Variants in PWWP2A observed in about 807,000 individuals in gnomAD.
The protein encoded by PWWP2A is PWWP domain containing 2A, also known as PWWP domain-containing protein 2A.
In PWWP2A, 18 loss-of-function variants were observed where a neutral mutation model predicts 48.5. The ratio of observed to expected loss-of-function variants is 0.37; its 90% CI spans 0.26 to 0.55. The LOEUF is 0.55. Among genes scored for constraint, PWWP2A ranks in the 20% least tolerant of loss-of-function variants. The probability of loss-of-function intolerance (pLI) is 0.81; values close to 1 mark genes in which losing one functional copy is unlikely to be tolerated. For missense variants in PWWP2A, 867 were observed against 976.4 expected (o/e 0.89, Z 1.49); for synonymous variants, 396 against 387.7 (o/e 1.02, Z -0.25).
At chr5:160,055,409 C>A in the PWWP2A span, among the ~76,000 whole-genome samples, 1 of 152,168 alleles carries the variant, frequency 6.6e-6, no homozygotes, top group South Asian at 2.1e-4. Context: ...CAGCTTTAGC[C>A]CTCTAATCAC....
intron 4 of PWWP2A, among the ~76,000 whole-genome samples, chr5:160,063,966 C>CTT (rs34967107): frequency 0.58 from 62,045 of 106,516 alleles, 19,240 homozygotes; most frequent in East Asian, 0.62. Flanking sequence ...TAGACCATGA[C>CTT]TTTTTTTTTT....
At chr5:160,051,123 C>G in the PWWP2A span, 1 of 1,571,246 alleles carries the variant, frequency 6.4e-7, no homozygotes, top group Non-Finnish European at 8.6e-7. Context: ...CTCCTCTTTT[C>G]CTCAGAGATT....
chr5:160,119,267 G>T lies in PWWP2A; in HGVS notation c.122C>A (p.Pro41Gln). 1 of 1,403,440 alleles carries T rather than the reference G, an allele frequency of 7.1e-7. No individual in the cohort carries two copies. The highest frequency in any genetic ancestry group is 1.5e-5 in the African/African-American group (1 of 66,162). The allele number at this position is 1,403,440 out of a possible 1,614,324, so 86.9% of individuals were successfully genotyped here. ...PGSEAGTDPL[P>Q]VTATEASVPD... is the part of the protein sequence containing the mutation. The stretch of plus-strand genomic sequence containing the variant: ...CACAGACGCTTCAGTGGCCGTGACC[G>T]GGAGGGGGTCAGTGCCGGCCTCACT... The change falls in exon 1 of 2, where the codon CCG (proline) becomes CAG (glutamine). Residue 41 changes from proline to glutamine, a missense_variant. Transcript: ENST00000307063.
At chr5:160,106,024 T>G (rs1756861130) in intron 1 of PWWP2A, among the ~76,000 whole-genome samples, 1 of 152,130 alleles carries the variant, frequency 6.6e-6, no homozygotes, top group Non-Finnish European at 1.5e-5. Context: ...GAAATATGAT[T>G]TCCAAAAATG....
rs1026251212 is a variant in PWWP2A, at chr5:160,112,481, C to A, written c.584+6324G>T. 3.9e-5 allele frequency among the ~76,000 whole-genome samples: 6 copies of A among 152,226 alleles called. No individual in the cohort carries two copies. In the East Asian group the frequency reaches 1.2e-3, roughly 29 times the overall value. On this transcript the variant is annotated intron_variant, in intron 1 of 1. Coordinates refer to ENST00000307063, the MANE Select transcript of PWWP2A (RefSeq NM_001130864.2). ...ACGTGACCCACCCACCTCAGCCTCC[C>A]AACTTGCTGAGATTACAGGCATGAG...
rs1262582168 is a variant in PWWP2A, at chr5:160,092,787, G to A, written c.1863C>T (p.Ser621=). 4 of 1,551,558 alleles carry A rather than the reference G, an allele frequency of 2.6e-6. No homozygotes were observed. Among genetic ancestry groups the A allele is most frequent in the Non-Finnish European group, 2.6e-6 (3 of 1,146,978 alleles). The change falls in exon 2 of 2, where the codon TCC becomes TCT. Residue 621 remains serine, a synonymous_variant. Coordinates refer to ENST00000307063, the MANE Select transcript of PWWP2A (RefSeq NM_001130864.2). The part of the protein sequence containing the change: ...MHAPSTSSTS[S]SSKEEKKLSN... Reference sequence around the variant, plus strand: ...TGAGCTTTTTCTCTTCCTTTGAAGAGGAGGAAGTGGAGGAGGTGGAAGGTG... The same window carrying A: ...TGAGCTTTTTCTCTTCCTTTGAAGAAGAGGAAGTGGAGGAGGTGGAAGGTG...
chr5:160,102,938 C>A (rs6874989), intron 1 of PWWP2A, among the ~76,000 whole-genome samples: 1 of 152,032 alleles, frequency 6.6e-6, no homozygotes, highest in African/African-American at 2.4e-5. Flanking sequence ...AAATTTTTAT[C>A]GGAAAAATTG....
rs747466330 is a variant in PWWP2A at position 160,119,179 on chromosome 5, C to A, written c.210G>T (p.Pro70=). ...APQADEPPLP[P]PPPPPGELAR... ...CGAGCTCCCCCGGCGGCGGCGGTGG[C>A]GGCGGGAGCGGCGGCTCGTCGGCCT... The change falls in exon 1 of 2, where the codon CCG becomes CCT. Residue 70 remains proline (P), a synonymous_variant. Transcript: ENST00000307063. 1.3e-4 allele frequency: 191 copies of A among 1,481,346 alleles called. No individual in the cohort carries two copies. The highest frequency in any genetic ancestry group is 1.8e-4 in the Middle Eastern group (1 of 5,524). The allele number at this position is 1,481,346 out of a possible 1,614,324, so 91.8% of individuals were successfully genotyped here.
chr5:160,088,326 G>A (rs1255338917), downstream of PWWP2A, among the ~76,000 whole-genome samples: 2 of 152,026 alleles, frequency 1.3e-5, no homozygotes, highest in Non-Finnish European at 2.9e-5. Context: ...TCAGCCTCTC[G>A]AGTTCAAGCA....
rs559088988 is a variant in PWWP2A, at chr5:160,113,132, TG to T, written c.584+5672del. ...GAAGTCCCGCCACTGCACTCCAGCC[TG>T]GGTGACAGAAGCAAGACTCTGTGTC... is the stretch of plus-strand genomic sequence containing the variant. On this transcript the variant is annotated intron_variant, in intron 1 of 1. Transcript: ENST00000307063. 126 of 701,730 alleles carry T rather than the reference TG, an allele frequency of 1.8e-4. 1 individual carries two copies. In the African/African-American group the frequency reaches 2.3e-3, roughly 13 times the overall value. 43.5% of individuals were successfully genotyped at this position (701,730 alleles called of 1,614,324 possible). A position where few individuals can be genotyped will look rare whatever the true frequency, so the allele number is the denominator to read the frequency against.
In PWWP2A at chr5:160,091,979, TATAC is replaced by T; in HGVS notation, c.*399_*402del. 1 of 793,676 alleles carries T rather than the reference TATAC, an allele frequency of 1.3e-6. No homozygotes were observed. Among genetic ancestry groups the T allele is most frequent in the Non-Finnish European group, 1.5e-6 (1 of 658,768 alleles). The allele number at this position is 793,676 out of a possible 1,614,324, so 49.2% of individuals were successfully genotyped here. A position where few individuals can be genotyped will look rare whatever the true frequency, so the allele number is the denominator to read the frequency against. On this transcript the variant is annotated 3_prime_UTR_variant, in exon 2 of 2. Coordinates refer to ENST00000307063, the MANE Select transcript of PWWP2A (RefSeq NM_001130864.2). ...TATTTCATATATATATATGTGTATATATACATATATATGTGTGTATATATACATA... is the reference window on the plus strand; with the variant it reads ...TATTTCATATATATATATGTGTATATATATATATGTGTGTATATATACATA...
downstream of PWWP2A, among the ~76,000 whole-genome samples, chr5:160,061,337 A>G (rs996888166): frequency 6.6e-6 from 1 of 152,204 alleles, no homozygotes; most frequent in Non-Finnish European, 1.5e-5. Flanking sequence ...AGCCAAAGGA[A>G]TCTTCCCCTT....
rs187960100 is a variant in PWWP2A at position 160,109,963 on chromosome 5, T to C, written c.584+8842A>G. ...ATTAACCAATTGCAATGTATGAGCT[T>C]TATTTGGATCCTAATTTGAAAACTG... On this transcript the variant is annotated intron_variant, in intron 1 of 1. Coordinates refer to ENST00000307063, the MANE Select transcript of PWWP2A (RefSeq NM_001130864.2). Among the ~76,000 whole-genome samples, 6 of 150,688 alleles carry C rather than the reference T, an allele frequency of 4.0e-5. No homozygotes were observed. In the East Asian group the frequency reaches 1.2e-3, roughly 29 times the overall value.
downstream of PWWP2A, chr5:160,090,740 CA>C (rs1754995118): frequency 3.1e-6 from 3 of 958,022 alleles, no homozygotes; most frequent in Non-Finnish European, 3.7e-6. Context: ...TAGAAATCCA[CA>C]AAAAACTGCT....
chr5:160,116,541 AGC>A (rs1758161885), intron 1 of PWWP2A: 1 of 233,360 alleles, frequency 4.3e-6, no homozygotes, highest in South Asian at 1.6e-4. Flanking sequence ...TATTAGGAAT[AGC>A]TCCTCCAACA....
rs765954616 is a variant in PWWP2A at position 160,093,357 on chromosome 5, C to G, written c.1293G>C (p.Val431=). Residue 431 remains valine (V), a synonymous_variant, in exon 2 of 2, where the codon GTG becomes GTC. Coordinates refer to ENST00000307063, the MANE Select transcript of PWWP2A (RefSeq NM_001130864.2). This position sits in a 1 kb window ranked among gnomAD's most constrained non-coding sequence, Gnocchi z 5.8. ...KNMDHAKARE[V]LKIAKEKAQK... is the part of the protein sequence containing the mutation. Reference sequence around the variant, plus strand: ...GTGCCTTTTCTTTGGCAATTTTTAACACTTCCCGAGCTTTCGCATGATCCA... The same window carrying G: ...GTGCCTTTTCTTTGGCAATTTTTAAGACTTCCCGAGCTTTCGCATGATCCA... The G allele has an allele frequency of 9.9e-6, 16 of 1,613,850 alleles. No individual in the cohort carries two copies. The highest frequency in any genetic ancestry group is 1.3e-5 in the Non-Finnish European group (15 of 1,179,794).
At position 160,077,277 on chromosome 5, in the gene PWWP2A, C is replaced by CT. The variant is rs1308527084; in HGVS notation, c.*877dup. The CT allele has an allele frequency of 6.6e-6, 1 of 152,076 alleles. No individual in the cohort carries two copies. The highest frequency in any genetic ancestry group is 1.5e-5 in the Non-Finnish European group (1 of 68,010). 9.4% of individuals were successfully genotyped at this position (152,076 alleles called of 1,614,324 possible). A position where few individuals can be genotyped will look rare whatever the true frequency, so the allele number is the denominator to read the frequency against. ...CACATCAAAATTTAGACGTTGTCAC[C>CT]TTTTTTGAACTAGATAAAACCAGTA... On this transcript the variant is annotated 3_prime_UTR_variant, in exon 4 of 4. Transcript: ENST00000456329. The surrounding 1 kb of genome is among the most constrained non-coding windows in gnomAD (Gnocchi z 4.2).
downstream of PWWP2A, among the ~76,000 whole-genome samples, chr5:160,061,358 G>A (rs12514103): frequency 0.07 from 10,679 of 152,144 alleles, 447 homozygotes; most frequent in African/African-American, 0.12. Flanking sequence ...CCTGACTCTC[G>A]TAGCATTTTA....
the PWWP2A span, among the ~76,000 whole-genome samples, chr5:160,053,574 G>GA: frequency 1.3e-5 from 2 of 152,108 alleles, no homozygotes; most frequent in African/African-American, 4.8e-5. Flanking sequence ...TAAAAAAAAA[G>GA]AAAATTATAA....
Sources: gnomAD v4.1 joint callset for allele counts (sites outside exome capture counted in the v4.1 genomes callset) on GRCh38, gnomAD v4.1.1 for gene constraint, Gnocchi (gnomAD v3.1) non-coding constraint, MANE v1.5 for transcripts, NCBI Gene and HGNC (gene_info 2026-07-23, HGNC 2026-07-21) for gene names.